Variants in PKMYT1 observed in about 807,000 individuals in gnomAD.
PKMYT1 encodes membrane-associated tyrosine- and threonine-specific cdc2-inhibitory kinase.
A neutral mutation model predicts 49.7 loss-of-function variants in PKMYT1; 35 were observed. The ratio of observed to expected loss-of-function variants is 0.70; its 90% CI spans 0.54 to 0.93. The LOEUF (loss-of-function observed/expected upper bound fraction) is 0.93, where lower values mean the gene tolerates loss of function less well. Ranked by LOEUF, PKMYT1 falls within the 40% of genes least tolerant of loss-of-function variation. The pLI, the probability that PKMYT1 is intolerant of heterozygous loss-of-function variation, is 0.00. For missense variants in PKMYT1, 677 were observed against 673.1 expected, an observed-to-expected ratio of 1.01 and a Z score of -0.06; for synonymous variants, 331 against 287.6, an observed-to-expected ratio of 1.15 and a Z score of -1.53.
In PKMYT1 at chr16:2,973,069, G is replaced by A. The variant is rs2072046680; in HGVS notation, c.1389-5C>T. 1.3e-6 allele frequency: 2 copies of A among 1,596,556 alleles called. No individual in the cohort carries two copies. Among genetic ancestry groups the A allele is most frequent in the Non-Finnish European group, 1.7e-6 (2 of 1,172,478 alleles). On this transcript the variant is annotated splice_polypyrimidine_tract_variant and splice_region_variant and intron_variant, in intron 8 of 8. Transcript: ENST00000262300. Reference sequence around the variant, plus strand: ...TCACTTAGGTCCAGGGCATCCCTGGGAGGAGAGAGTAGTGACACTCAGGAT... The same window carrying A: ...TCACTTAGGTCCAGGGCATCCCTGGAAGGAGAGAGTAGTGACACTCAGGAT...
intron 2 of PKMYT1, among the ~76,000 whole-genome samples, chr16:2,977,961 C>T (rs539132484): frequency 6.6e-6 from 1 of 152,296 alleles, no homozygotes; most frequent in South Asian, 2.1e-4. Context: ...GGCTATATCT[C>T]AGGCCCGGCA....
chr16:2,973,853 A>G (rs1050445533), intron 7 of PKMYT1, 147 bp downstream of exon 7: 5 of 896,634 alleles, frequency 5.6e-6, no homozygotes, highest in African/African-American at 3.4e-5. Context: ...TGGCCAGGCC[A>G]CACACCCCCA....
chr16:2,977,218 C>T (rs1409030481), intron 2 of PKMYT1, 187 bp from the exon 3 acceptor site: 1 of 1,411,978 alleles, frequency 7.1e-7, no homozygotes, highest in African/African-American at 1.4e-5. Context: ...ACTCACCTGC[C>T]CACCAGGCTG....
Position 2,979,836 on chromosome 16 carries a change from G to A in PKMYT1, c.-179C>T. 1 of 658,822 alleles carries A rather than the reference G, an allele frequency of 1.5e-6. No individual in the cohort carries two copies. The highest frequency in any genetic ancestry group is 2.6e-6 in the Non-Finnish European group (1 of 378,218). The allele number at this position is 658,822 out of a possible 1,614,324, so 40.8% of individuals were successfully genotyped here. A position where few individuals can be genotyped will look rare whatever the true frequency, so the allele number is the denominator to read the frequency against. On this transcript the variant is annotated 5_prime_UTR_variant, in exon 2 of 9. Coordinates refer to ENST00000262300, the MANE Select transcript of PKMYT1 (RefSeq NM_004203.5). ...CTCACCAGGCCCGACACATCTGCTG[G>A]CCACCTTTCCCGGTAGACGGTAAGT...
At chr16:2,975,837 A>G in intron 3 of PKMYT1, 25 bp from the exon 4 acceptor site, 1 of 1,568,824 alleles carries the variant, frequency 6.4e-7, no homozygotes, top group Non-Finnish European at 8.6e-7. Flanking sequence ...GTACCCACGC[A>G]CACAGTGAGG....
At chr16:2,973,917 C>G (rs2072095274) in intron 7 of PKMYT1, 83 bp downstream of exon 7, 15 of 1,434,778 alleles carry the variant, frequency 1.0e-5, no homozygotes, top group Non-Finnish European at 1.4e-5. Flanking sequence ...GGGAGTGGTC[C>G]CCATTCACCA....
Position 2,974,635 on chromosome 16 carries a change from T to A in PKMYT1, c.894A>T (p.Glu298Asp). The A allele has an allele frequency of 6.4e-7, 1 of 1,568,608 alleles. No homozygotes were observed. The highest frequency in any genetic ancestry group is 8.6e-7 in the Non-Finnish European group (1 of 1,156,876). ...DVFSLGLTIL[E>D]VACNMELPHG... ...GGGGCAGCTCCATGTTGCATGCCAC[T>A]TCCAGGATGGTGAGGCCCAGACTGG... Residue 298 changes from glutamate to aspartate, a missense_variant, in exon 5 of 9, where the codon GAA becomes GAT. Transcript: ENST00000262300.
intron 2 of PKMYT1, chr16:2,979,387 C>T: frequency 4.1e-6 from 2 of 483,084 alleles, no homozygotes; most frequent in South Asian, 3.5e-5. Context: ...TCTCCAGTAC[C>T]TGAGGGAGTA....
chr16:2,976,106 G>A (rs1386068212), intron 3 of PKMYT1: 4 of 404,268 alleles, frequency 9.9e-6, no homozygotes, highest in Middle Eastern at 6.3e-4. Context: ...AGCAACACAG[G>A]CAGCCCAGGC....
chr16:2,975,297 C>T (rs773976953), intron 4 of PKMYT1, 22 bp downstream of exon 4: 13 of 1,582,196 alleles, frequency 8.2e-6, no homozygotes, highest in Non-Finnish European at 1.0e-5. Flanking sequence ...CTGCCAAACA[C>T]CTGGCGTGCC....
At chr16:2,977,246 T>C (rs2072223194) in intron 2 of PKMYT1, 1 of 1,391,974 alleles carries the variant, frequency 7.2e-7, no homozygotes, top group Non-Finnish European at 9.3e-7. Flanking sequence ...TTAGAGATGA[T>C]AGAAACATAA....
chr16:2,973,353 G>A, intron 7 of PKMYT1, 138 bp from the exon 8 acceptor site: 1 of 1,543,196 alleles, frequency 6.5e-7, no homozygotes, highest in Non-Finnish European at 8.7e-7. Context: ...ATAAAAACTT[G>A]GTGCACTCTG....
intron 7 of PKMYT1, chr16:2,973,551 G>T: frequency 1.1e-6 from 1 of 931,766 alleles, no homozygotes; most frequent in Non-Finnish European, 1.5e-6. Context: ...TTGTAAGGAA[G>T]GGGCTAACGG....
chr16:2,977,692 C>T (rs544523333), intron 2 of PKMYT1, among the ~76,000 whole-genome samples: 1 of 152,338 alleles, frequency 6.6e-6, no homozygotes, highest in East Asian at 1.9e-4. Flanking sequence ...AGCCTGTTGG[C>T]ACCTGAGCCA....
intron 2 of PKMYT1, among the ~76,000 whole-genome samples, chr16:2,979,271 T>G (rs906512148): frequency 6.6e-6 from 1 of 152,074 alleles, no homozygotes; most frequent in Non-Finnish European, 1.5e-5. Flanking sequence ...GAGGTGGAAG[T>G]TGCGGTGAGC....
At chr16:2,977,159 C>A in intron 2 of PKMYT1, 128 bp from the exon 3 acceptor site, 1 of 1,492,270 alleles carries the variant, frequency 6.7e-7, no homozygotes, top group Non-Finnish European at 8.9e-7. Flanking sequence ...CTTTAAACGG[C>A]AATGGGAGCA....
In PKMYT1 at chr16:2,975,516, G is replaced by A. The variant is rs773950604; in HGVS notation, c.675C>T (p.His225=). The part of the protein sequence containing the change: ...RDTLLALAHL[H]SQGLVHLDVK... ...CATCAAGGTGCACCAGGCCCTGGCT[G>A]TGCAGATGGGCCAGGGCAAGCAGCG... The change falls in exon 4 of 9, where the codon CAC becomes CAT. Residue 225 remains histidine, a synonymous_variant. Coordinates refer to ENST00000262300, the MANE Select transcript of PKMYT1 (RefSeq NM_004203.5). 5.6e-6 allele frequency: 9 copies of A among 1,612,606 alleles called. No individual in the cohort carries two copies. Among genetic ancestry groups the A allele is most frequent in the Admixed American group, 5.0e-5 (3 of 60,012 alleles).
Position 2,973,941 on chromosome 16 carries a change from A to G in PKMYT1, c.1310+59T>C, listed in dbSNP as rs1251495214. The G allele has an allele frequency of 3.2e-6, 5 of 1,549,102 alleles. No individual in the cohort carries two copies. The Admixed American group carries it at 7.1e-5, about 22-fold the overall frequency. Reference sequence around the variant, plus strand: ...CCCCATTCACCACGAATCTCCATGGAGCCCCGGTGATATCCCCCACCTTCC... The same window carrying G: ...CCCCATTCACCACGAATCTCCATGGGGCCCCGGTGATATCCCCCACCTTCC... On this transcript the variant is annotated intron_variant, in intron 7 of 8. Transcript: ENST00000262300.
chr16:2,977,455 C>A (rs2072230130), intron 2 of PKMYT1: 1 of 998,638 alleles, frequency 1.0e-6, no homozygotes, highest in Non-Finnish European at 1.2e-6. Flanking sequence ...CCCGGAATCC[C>A]TCAAGTGTCT....
Sources: gnomAD v4.1 joint callset for allele counts (sites outside exome capture counted in the v4.1 genomes callset) on GRCh38, gnomAD v4.1.1 for gene constraint, MANE v1.5 for transcripts, NCBI Gene and HGNC (gene_info 2026-07-23, HGNC 2026-07-21) for gene names.